TYMS: variants seen among roughly 807,000 people sequenced by gnomAD.
TYMS encodes thymidylate synthase.
A neutral mutation model predicts 39.3 loss-of-function variants in TYMS; 21 were observed. That is an observed-to-expected ratio of 0.54 (90% CI 0.38 to 0.77). The LOEUF is 0.77. TYMS is among the 30% of genes least tolerant of loss of function. The pLI, the probability that TYMS is intolerant of heterozygous loss-of-function variation, is 0.00. For missense variants in TYMS, 273 were observed against 406.7 expected, an observed-to-expected ratio of 0.67 and a Z score of 2.83; for synonymous variants, 171 against 162.2, an observed-to-expected ratio of 1.05 and a Z score of -0.41.
Position 658,193 on chromosome 18 carries a change from G to T in TYMS, c.205+246G>T. The T allele has an allele frequency of 6.5e-7, 1 of 1,543,596 alleles. No homozygotes were observed. Reference sequence around the variant, plus strand: ...AGGTAAGCCGCGTCCCAGCGGCTCCGCGGCCGGGCTCGCAGTCGCCCCAGT... The same window carrying T: ...AGGTAAGCCGCGTCCCAGCGGCTCCTCGGCCGGGCTCGCAGTCGCCCCAGT... On this transcript the variant is annotated intron_variant, in intron 1 of 6. Coordinates refer to ENST00000323274, the MANE Select transcript of TYMS (RefSeq NM_001071.4). This position sits in a 1 kb window ranked among gnomAD's most constrained non-coding sequence, Gnocchi z 4.5.
chr18:670,668 TATCTTCCTCTGCTGGTTCCTCAG>T lies in TYMS; in HGVS notation c.557-12_567del. On this transcript the variant is annotated splice_acceptor_variant and splice_polypyrimidine_tract_variant and intron_variant, in intron 4 of 6. Coordinates refer to ENST00000323274, the MANE Select transcript of TYMS (RefSeq NM_001071.4). LOFTEE classifies it high-confidence loss of function. ...GGTCTTTCAAACCACCATCCCTCCT[TATCTTCCTCTGCTGGTTCCTCAG>T]ATCTTCCTCTGATGGCGCTGCCTCC... The T allele has an allele frequency of 1.2e-6, 2 of 1,612,044 alleles. No individual in the cohort carries two copies. Among genetic ancestry groups the T allele is most frequent in the Non-Finnish European group, 1.7e-6 (2 of 1,178,694 alleles).
intron 6 of TYMS, 111 bp from the exon 7 acceptor site, chr18:672,749 G>C: frequency 7.8e-7 from 1 of 1,284,138 alleles, no homozygotes; most frequent in Non-Finnish European, 1.1e-6. Flanking sequence ...TCATACTCCT[G>C]TAAAATAGAA....
chr18:657,657 G>T lies in TYMS; in HGVS notation c.-86G>T. 1 of 325,682 alleles carries T rather than the reference G, an allele frequency of 3.1e-6. No homozygotes were observed. The highest frequency in any genetic ancestry group is 4.3e-6 in the Non-Finnish European group (1 of 234,610). 20.2% of individuals were successfully genotyped at this position (325,682 alleles called of 1,614,324 possible). On this transcript the variant is annotated 5_prime_UTR_variant, in exon 1 of 7. Transcript: ENST00000323274. ...AAGGGGTCCTGCCACCGCGCCACTT[G>T]GCCTGCCTCCGTCCCGCCGCGCCAC...
Position 658,117 on chromosome 18 carries a change from C to T in TYMS, c.205+170C>T, listed in dbSNP as rs1275169363. ...CTTACAGACGCCGAAACGGAGGGTC[C>T]CATTAGGGACGTGACTGGCGCGGGC... is the stretch of plus-strand genomic sequence containing the variant. On this transcript the variant is annotated intron_variant, in intron 1 of 6. Transcript: ENST00000323274. The surrounding 1 kb of genome is among the most constrained non-coding windows in gnomAD (Gnocchi z 4.5). 6.3e-7 allele frequency: 1 copy of T among 1,587,580 alleles called. No homozygotes were observed. Among genetic ancestry groups the T allele is most frequent in the South Asian group, 1.1e-5 (1 of 87,450 alleles).
In TYMS at chr18:667,016, GAGA is replaced by G. The variant is rs1265062718; in HGVS notation, c.455-2055_455-2053del. ...GGTGATGGAGATGGTGATGGTGATGGAGATGGAGATGGTGATGGAGATGGTGAT... is the reference window on the plus strand; with the variant it reads ...GGTGATGGAGATGGTGATGGTGATGGTGGAGATGGTGATGGAGATGGTGAT... On this transcript the variant is annotated intron_variant, in intron 3 of 6. Transcript: ENST00000323274. Among the ~76,000 whole-genome samples, 35 of 6,940 alleles carry G rather than the reference GAGA, an allele frequency of 5.0e-3. 3 individuals carry two copies. Among genetic ancestry groups the G allele is most frequent in the South Asian group, 0.01 (2 of 196 alleles). The allele number at this position is 6,940 out of a possible 152,430, so 4.6% of individuals were successfully genotyped here. A position where few individuals can be genotyped will look rare whatever the true frequency, so the allele number is the denominator to read the frequency against.
At position 658,023 on chromosome 18, in the gene TYMS, CG is replaced by C; in HGVS notation, c.205+79del. The stretch of plus-strand genomic sequence containing the variant: ...GCTGGGGAGAGCGCTCGGGAGCTGC[CG>C]GGCGCTGCGGACCCCGTTTAGTCCT... On this transcript the variant is annotated intron_variant, in intron 1 of 6. Coordinates refer to ENST00000323274, the MANE Select transcript of TYMS (RefSeq NM_001071.4). This position sits in a 1 kb window ranked among gnomAD's most constrained non-coding sequence, Gnocchi z 4.5. 2.0e-6 allele frequency: 3 copies of C among 1,531,798 alleles called. No homozygotes were observed. The highest frequency in any genetic ancestry group is 2.6e-6 in the Non-Finnish European group (3 of 1,141,006). The allele number at this position is 1,531,798 out of a possible 1,614,324, so 94.9% of individuals were successfully genotyped here.
Position 658,385 on chromosome 18 carries a change from T to C in TYMS, c.205+438T>C. On this transcript the variant is annotated intron_variant, in intron 1 of 6. Coordinates refer to ENST00000323274, the MANE Select transcript of TYMS (RefSeq NM_001071.4). The surrounding 1 kb of genome is among the most constrained non-coding windows in gnomAD (Gnocchi z 4.5). ...TCCGCTTCGCAGCGTTTTCAAAAAC[T>C]GGAGCGAAAGTGATGTGGGCGGGGC... 1 of 1,263,000 alleles carries C rather than the reference T, an allele frequency of 7.9e-7. No individual in the cohort carries two copies. The highest frequency in any genetic ancestry group is 1.3e-5 in the South Asian group (1 of 75,696). 78.2% of individuals were successfully genotyped at this position (1,263,000 alleles called of 1,614,324 possible). A position where few individuals can be genotyped will look rare whatever the true frequency, so the allele number is the denominator to read the frequency against.
At chr18:670,940 A>G in intron 5 of TYMS, 73 bp downstream of exon 5, 2 of 1,531,272 alleles carry the variant, frequency 1.3e-6, no homozygotes, top group Non-Finnish European at 8.9e-7. Context: ...ATGGGAAAAC[A>G]AATTGCAGAG....
intron 6 of TYMS, 24 bp downstream of exon 6, chr18:671,475 T>A: frequency 6.6e-7 from 1 of 1,524,212 alleles, no homozygotes. Flanking sequence ...GTTATACTTT[T>A]GGGTTTGGTA....
At position 670,782 on chromosome 18, in the gene TYMS, C is replaced by T. The variant is rs201232749; in HGVS notation, c.647C>T (p.Ser216Leu). The change falls in exon 5 of 7, where the codon TCG becomes TTG. Residue 216 changes from serine to leucine, a missense_variant. By Grantham distance (145) the Ser-to-Leu change is moderately radical (BLOSUM62 -2). Transcript: ENST00000323274. ...SELSCQLYQR[S>L]GDMGLGVPFN... ...CTGTCCTGCCAGCTGTACCAGAGAT[C>T]GGGAGACATGGGCCTCGGTGTGCCT... 1 of 1,614,088 alleles carries T rather than the reference C, an allele frequency of 6.2e-7. No homozygotes were observed.
In TYMS at chr18:658,254, G is replaced by A; in HGVS notation, c.205+307G>A. On this transcript the variant is annotated intron_variant, in intron 1 of 6. Transcript: ENST00000323274. This position sits in a 1 kb window ranked among gnomAD's most constrained non-coding sequence, Gnocchi z 4.5. ...CCCCCGAGGCGGGCGTCATCGGGCAGCGTTTGCCCAGTGCTGGAGGGTTAG... is the reference window on the plus strand; with the variant it reads ...CCCCCGAGGCGGGCGTCATCGGGCAACGTTTGCCCAGTGCTGGAGGGTTAG... The A allele has an allele frequency of 1.4e-6, 2 of 1,472,380 alleles. No individual in the cohort carries two copies. Among genetic ancestry groups the A allele is most frequent in the South Asian group, 2.4e-5 (2 of 82,866 alleles). The allele number at this position is 1,472,380 out of a possible 1,614,324, so 91.2% of individuals were successfully genotyped here. A position where few individuals can be genotyped will look rare whatever the true frequency, so the allele number is the denominator to read the frequency against.
chr18:671,648 A>G (rs2853537), intron 6 of TYMS, 197 bp downstream of exon 6: 1 of 602,544 alleles, frequency 1.7e-6, no homozygotes, highest in South Asian at 2.0e-5. Context: ...GGCACTTAAC[A>G]TGTCAGGTGC....
chr18:658,640 G>GA lies in TYMS; in HGVS notation c.205+693_205+694insA. The GA allele has an allele frequency of 3.7e-6, 1 of 267,724 alleles. No individual in the cohort carries two copies. Among genetic ancestry groups the GA allele is most frequent in the Non-Finnish European group, 7.2e-6 (1 of 137,966 alleles). 16.6% of individuals were successfully genotyped at this position (267,724 alleles called of 1,614,324 possible). Reference sequence around the variant, plus strand: ...CGCCAGGCTTTCAGGGGACAGTGGGGCGGGGCGGGGTGGGCACAGGACGTT... The same window carrying GA: ...CGCCAGGCTTTCAGGGGACAGTGGGGACGGGGCGGGGTGGGCACAGGACGTT... On this transcript the variant is annotated intron_variant, in intron 1 of 6. Transcript: ENST00000323274. This position sits in a 1 kb window ranked among gnomAD's most constrained non-coding sequence, Gnocchi z 4.5.
rs371606482 is a variant in TYMS at position 673,242 on chromosome 18, TGAG to T, written c.*249_*251del. The T allele has an allele frequency of 1.2e-3, 412 of 343,176 alleles. 1 individual carries two copies. The highest frequency in any genetic ancestry group is 7.8e-3 in the African/African-American group (379 of 48,698). 21.3% of individuals were successfully genotyped at this position (343,176 alleles called of 1,614,324 possible). ...GACAATGCTGAGGTTATGAACAAAGTGAGGAGAATGAAATGTATGTGCTCTTAG... is the reference window on the plus strand; with the variant it reads ...GACAATGCTGAGGTTATGAACAAAGTGAGAATGAAATGTATGTGCTCTTAG... On this transcript the variant is annotated 3_prime_UTR_variant, in exon 7 of 7. Coordinates refer to ENST00000323274, the MANE Select transcript of TYMS (RefSeq NM_001071.4).
At position 673,430 on chromosome 18, in the gene TYMS, T is replaced by A; in HGVS notation, c.*433T>A. 1 of 205,964 alleles carries A rather than the reference T, an allele frequency of 4.9e-6. No individual in the cohort carries two copies. Among genetic ancestry groups the A allele is most frequent in the East Asian group, 7.5e-5 (1 of 13,386 alleles). 12.8% of individuals were successfully genotyped at this position (205,964 alleles called of 1,614,324 possible). A position where few individuals can be genotyped will look rare whatever the true frequency, so the allele number is the denominator to read the frequency against. ...TAACACCATCGATCATGATGTAGAG[T>A]GTGGTTATGAACTTTAAAGTTATAG... On this transcript the variant is annotated 3_prime_UTR_variant, in exon 7 of 7. Transcript: ENST00000323274.
intron 6 of TYMS, 76 bp from the exon 7 acceptor site, chr18:672,784 T>C: frequency 1.4e-6 from 2 of 1,461,778 alleles, no homozygotes; most frequent in Non-Finnish European, 1.9e-6. Flanking sequence ...TCCTGTGTAC[T>C]TGTTTCACGG....
rs897510851 is a variant in TYMS at position 667,991 on chromosome 18, A to G, written c.455-1081A>G. 5.3e-5 allele frequency among the ~76,000 whole-genome samples: 4 copies of G among 74,914 alleles called. No individual in the cohort carries two copies. The East Asian group carries it at 3.3e-3, about 61-fold the overall frequency. The allele number at this position is 74,914 out of a possible 152,430, so 49.1% of individuals were successfully genotyped here. A position where few individuals can be genotyped will look rare whatever the true frequency, so the allele number is the denominator to read the frequency against. On this transcript the variant is annotated intron_variant, in intron 3 of 6. Coordinates refer to ENST00000323274, the MANE Select transcript of TYMS (RefSeq NM_001071.4). Reference sequence around the variant, plus strand: ...TAATTTTGTTTTACAGATTCACAGGAATTTTTTTTTTTTTTTTTTTAATGC... The same window carrying G: ...TAATTTTGTTTTACAGATTCACAGGGATTTTTTTTTTTTTTTTTTTAATGC...
chr18:663,886 T>C (rs2074781359), intron 3 of TYMS, among the ~76,000 whole-genome samples: 1 of 111,546 alleles, frequency 9.0e-6, no homozygotes, highest in Non-Finnish European at 1.7e-5. Context: ...ATGTCTGTTT[T>C]GGTACCAGTA....
At position 658,675 on chromosome 18, in the gene TYMS, T is replaced by G; in HGVS notation, c.205+728T>G. 1 of 272,040 alleles carries G rather than the reference T, an allele frequency of 3.7e-6. No homozygotes were observed. The allele number at this position is 272,040 out of a possible 1,614,324, so 16.9% of individuals were successfully genotyped here. ...GTGGGCACAGGACGTTAGGCAGCCG[T>G]TGGCCCTCCCTAAGGCCACACCGTC... On this transcript the variant is annotated intron_variant, in intron 1 of 6. Transcript: ENST00000323274. This position sits in a 1 kb window ranked among gnomAD's most constrained non-coding sequence, Gnocchi z 4.5.
Sources: allele counts gnomAD v4.1 joint callset (sites outside exome capture counted in the v4.1 genomes callset), GRCh38; gene constraint gnomAD v4.1.1; non-coding constraint Gnocchi (gnomAD v3.1); transcripts MANE v1.5; gene names NCBI Gene and HGNC (gene_info 2026-07-23, HGNC 2026-07-21).